HAUS1: variants seen among roughly 807,000 people sequenced by gnomAD.
The protein encoded by HAUS1 is HAUS augmin-like complex subunit 1.
Under a neutral mutation model 38.6 loss-of-function variants are expected in HAUS1, and 25 were observed. The ratio of observed to expected loss-of-function variants is 0.65; its 90% CI spans 0.47 to 0.91. The LOEUF is 0.91. Ranked by LOEUF, HAUS1 falls within the 40% of genes least tolerant of loss-of-function variation. The pLI, the probability that HAUS1 is intolerant of heterozygous loss-of-function variation, is 0.00. For synonymous variants in HAUS1, 109 were observed against 112.9 expected, an observed-to-expected ratio of 0.97 and a Z score of 0.22; for missense variants, 325 against 328.4, an observed-to-expected ratio of 0.99 and a Z score of 0.08.
intron 3 of HAUS1, among the ~76,000 whole-genome samples, chr18:46,119,034 AT>A (rs34940365): frequency 0.17 from 25,734 of 151,586 alleles, 3,059 homozygotes; most frequent in East Asian, 0.41. Context: ...TGCCTGGCTA[AT>A]TTTTTTTGTA....
chr18:46,116,187 C>G (rs1301586808), intron 2 of HAUS1, among the ~76,000 whole-genome samples: 1 of 152,024 alleles, frequency 6.6e-6, no homozygotes, highest in African/African-American at 2.4e-5. Context: ...TGAAAAGAGA[C>G]AGTCCTCAGA....
chr18:46,114,657 A>G (rs1427411533), intron 2 of HAUS1, among the ~76,000 whole-genome samples: 1 of 152,126 alleles, frequency 6.6e-6, no homozygotes, highest in Non-Finnish European at 1.5e-5. Context: ...GCAGATAGCT[A>G]GTGGCAGGAT....
intron 1 of HAUS1, 140 bp from the exon 2 acceptor site, chr18:46,105,054 G>C (rs887853116): frequency 3.7e-6 from 2 of 535,478 alleles, no homozygotes; most frequent in Non-Finnish European, 6.7e-6. Context: ...TCTCCCTAAA[G>C]ACAAGTGAGG....
At chr18:46,121,290 A>G (rs1174994140) in intron 4 of HAUS1, among the ~76,000 whole-genome samples, 3 of 151,996 alleles carry the variant, frequency 2.0e-5, no homozygotes, top group African/African-American at 7.3e-5. Context: ...CCCGGGTTCA[A>G]GTGATTCTCC....
At chr18:46,124,416 C>CA (rs34364685) in intron 6 of HAUS1, among the ~76,000 whole-genome samples, 13,205 of 87,504 alleles carry the variant, frequency 0.15, 1,887 homozygotes, top group African/African-American at 0.38. Flanking sequence ...GACTCTATCT[C>CA]AAAAAAAAAA....
rs1491293068 is a variant in HAUS1, at chr18:46,116,396, T to TA, written c.206-1779dup. ...AGGCAACATGGCGAAACTACATCTC[T>TA]AAAAAATTACCAAAATTAGCCAGGC... On this transcript the variant is annotated intron_variant, in intron 2 of 8. Transcript: ENST00000282058. Among the ~76,000 whole-genome samples, 4 of 150,034 alleles carry TA rather than the reference T, an allele frequency of 2.7e-5. No homozygotes were observed. The East Asian group carries it at 6.1e-4, about 23-fold the overall frequency.
chr18:46,116,435 C>A (rs1911799756), intron 2 of HAUS1, among the ~76,000 whole-genome samples: 1 of 151,806 alleles, frequency 6.6e-6, no homozygotes, highest in South Asian at 2.1e-4. Context: ...GTGGTGCACA[C>A]CTGTAGTCTC....
Position 46,119,938 on chromosome 18 carries a change from A to G in HAUS1, c.354A>G (p.Ala118=), listed in dbSNP as rs779113997. The change falls in exon 4 of 9, where the codon GCA becomes GCG. Residue 118 remains alanine, a synonymous_variant. Coordinates refer to ENST00000282058, the MANE Select transcript of HAUS1 (RefSeq NM_138443.4). ...ATTCTTCTTTTAGTTTTATCCCTGC[A>G]GTGAATGATTTGACCTCTGATCTCT... is the stretch of plus-strand genomic sequence containing the variant. ...KDTSLASFIP[A]VNDLTSDLFR... The G allele has an allele frequency of 6.2e-7, 1 of 1,602,216 alleles. No homozygotes were observed. Among genetic ancestry groups the G allele is most frequent in the South Asian group, 1.1e-5 (1 of 87,932 alleles).
chr18:46,108,524 G>A (rs1911534407), intron 2 of HAUS1, among the ~76,000 whole-genome samples: 1 of 151,884 alleles, frequency 6.6e-6, no homozygotes, highest in Admixed American at 6.6e-5. Flanking sequence ...TGGAAAGTTA[G>A]GTTATTGATT....
intron 3 of HAUS1, 130 bp downstream of exon 3, chr18:46,118,446 G>T (rs1344061680): frequency 4.0e-6 from 3 of 746,292 alleles, no homozygotes; most frequent in East Asian, 2.6e-5. Flanking sequence ...GTTACTTCAT[G>T]TCTTTGCCAG....
intron 2 of HAUS1, 99 bp from the exon 3 acceptor site, chr18:46,118,082 G>C: frequency 1.8e-6 from 2 of 1,116,188 alleles, no homozygotes; most frequent in South Asian, 2.7e-5. Context: ...ACATACCTTA[G>C]GTGGGTGGAT....
intron 2 of HAUS1, among the ~76,000 whole-genome samples, chr18:46,108,855 A>G (rs1911544179): frequency 6.6e-6 from 1 of 152,040 alleles, no homozygotes; most frequent in Non-Finnish European, 1.5e-5. Flanking sequence ...GCGGATCACA[A>G]GGTCAGGCGA....
chr18:46,105,071 A>C (rs1911422280), intron 1 of HAUS1, 123 bp from the exon 2 acceptor site: 2 of 598,776 alleles, frequency 3.3e-6, no homozygotes, highest in South Asian at 3.0e-5. Flanking sequence ...GAGGTTGTGA[A>C]GTAGGACTCC....
chr18:46,118,287 C>T lies in HAUS1; in HGVS notation c.312C>T (p.Ala104=), dbSNP rs770736244. Residue 104 remains alanine (A), a synonymous_variant, in exon 3 of 9, where the codon GCC becomes GCT. Coordinates refer to ENST00000282058, the MANE Select transcript of HAUS1 (RefSeq NM_138443.4). ...ATGCTTTGGTTGACAGTGCGGTGGC[C>T]CTTGAAACAAAGGATACCTCGCTAG... ...YLNALVDSAV[A]LETKDTSLAS... is the part of the protein sequence containing the mutation. The T allele has an allele frequency of 2.5e-5, 41 of 1,613,254 alleles. No individual in the cohort carries two copies. The East Asian group carries it at 9.1e-4, about 36-fold the overall frequency.
At chr18:46,114,682 T>C (rs946803992) in intron 2 of HAUS1, among the ~76,000 whole-genome samples, 19 of 151,952 alleles carry the variant, frequency 1.3e-4, no homozygotes, top group Non-Finnish European at 2.5e-4. Context: ...AACACTAAAG[T>C]CTTGCTTCTC....
At chr18:46,118,084 TG>T in intron 2 of HAUS1, 96 bp from the exon 3 acceptor site, 2 of 1,127,376 alleles carry the variant, frequency 1.8e-6, no homozygotes, top group Non-Finnish European at 2.6e-6. Context: ...ATACCTTAGG[TG>T]GGTGGATTAT....
At chr18:46,110,515 G>T (rs1055410657) in intron 2 of HAUS1, among the ~76,000 whole-genome samples, 3 of 151,230 alleles carry the variant, frequency 2.0e-5, no homozygotes, top group Non-Finnish European at 4.4e-5. Flanking sequence ...GGCTAATTTT[G>T]TATTTTTAGT....
At chr18:46,106,307 A>G (rs2144242327) in intron 2 of HAUS1, among the ~76,000 whole-genome samples, 1 of 152,208 alleles carries the variant, frequency 6.6e-6, no homozygotes, top group East Asian at 1.9e-4. Flanking sequence ...CGTCTCTACT[A>G]AAAATACAAA....
At position 46,113,034 on chromosome 18, in the gene HAUS1, T is replaced by TATATATATTCCATATTATATATGG. The variant is rs1568263683; in HGVS notation, c.206-5146_206-5145insTATATATTCCATATTATATATGGA. On this transcript the variant is annotated intron_variant, in intron 2 of 8. Coordinates refer to ENST00000282058, the MANE Select transcript of HAUS1 (RefSeq NM_138443.4). ...ATATATATATTCCATATTATATATA[T>TATATATATTCCATATTATATATGG]AATATATATATTCCATATTATATAT... Among the ~76,000 whole-genome samples, 22 of 58,590 alleles carry TATATATATTCCATATTATATATGG rather than the reference T, an allele frequency of 3.8e-4. 1 individual carries two copies. The highest frequency in any genetic ancestry group is 1.8e-3 in the South Asian group (3 of 1,714). The allele number at this position is 58,590 out of a possible 152,430, so 38.4% of individuals were successfully genotyped here.
Sources: allele counts gnomAD v4.1 joint callset (sites outside exome capture counted in the v4.1 genomes callset), GRCh38; gene constraint gnomAD v4.1.1; transcripts MANE v1.5; gene names NCBI Gene and HGNC (gene_info 2026-07-23, HGNC 2026-07-21).